Variants in DLGAP2 observed in about 807,000 individuals in gnomAD.
The protein encoded by DLGAP2 is DLG associated protein 2.
DLGAP2 carries 26 observed loss-of-function variants against 100.3 expected under a neutral mutation model. That is an observed-to-expected ratio of 0.26 (90% confidence interval 0.19 to 0.36). DLGAP2 has a LOEUF of 0.36. DLGAP2 is among the 10% of genes least tolerant of loss of function. The pLI is 1.00. For synonymous variants in DLGAP2, 886 were observed against 630.1 expected (o/e 1.41, Z -6.08); for missense variants, 1,858 against 1,453.2 (o/e 1.28, Z -4.53).
At chr8:1,329,410 G>C (rs1243430148) in intron 3 of DLGAP2, among the ~76,000 whole-genome samples, 1 of 152,144 alleles carries the variant, frequency 6.6e-6, no homozygotes, top group Non-Finnish European at 1.5e-5. Context: ...GATTCAGCTA[G>C]ATCCGTTTTT....
In DLGAP2 at chr8:840,387, C is replaced by G. The variant is rs75978688; in HGVS notation, c.19-67525C>G. On this transcript the variant is annotated intron_variant, in intron 1 of 14. Coordinates refer to ENST00000637795, the MANE Select transcript of DLGAP2 (RefSeq NM_001346810.2). ...GCACGCCTGCACGTTTCCCTACACT[C>G]TGGATTCTGCGAGCGCGTCCACATG... Among the ~76,000 whole-genome samples, 349 of 131,462 alleles carry G rather than the reference C, an allele frequency of 2.7e-3. 3 individuals carry two copies. The highest frequency in any genetic ancestry group is 4.3e-3 in the Non-Finnish European group (266 of 61,938). 86.2% of individuals were successfully genotyped at this position (131,462 alleles called of 152,430 possible). A position where few individuals can be genotyped will look rare whatever the true frequency, so the allele number is the denominator to read the frequency against.
At chr8:1,622,216 T>C (rs1167180852) in intron 6 of DLGAP2, 4 of 152,228 alleles carry the variant, frequency 2.6e-5, no homozygotes, top group African/African-American at 4.8e-5. Flanking sequence ...GAAACACTTC[T>C]TATATTTGGG....
intron 5 of DLGAP2, among the ~76,000 whole-genome samples, chr8:1,560,641 C>T (rs1040997425): frequency 4.9e-4 from 75 of 152,332 alleles, no homozygotes; most frequent in South Asian, 4.1e-4. Flanking sequence ...CTCCACTGCC[C>T]GCCACCTGGC....
rs1432861092 is a variant in DLGAP2, at chr8:1,187,810, A to G, written c.74-71041A>G. ...TGACGTTTGCCTCATGGAATCTCAC[A>G]CGCCCGGGACTTCCGTGATGTTTCC... is the stretch of plus-strand genomic sequence containing the variant. On this transcript the variant is annotated intron_variant, in intron 2 of 14. Coordinates refer to ENST00000637795, the MANE Select transcript of DLGAP2 (RefSeq NM_001346810.2). 4.0e-5 allele frequency among the ~76,000 whole-genome samples: 5 copies of G among 126,132 alleles called. No individual in the cohort carries two copies. In the South Asian group the frequency reaches 1.3e-3, roughly 32 times the overall value. The allele number at this position is 126,132 out of a possible 152,430, so 82.7% of individuals were successfully genotyped here. A position where few individuals can be genotyped will look rare whatever the true frequency, so the allele number is the denominator to read the frequency against.
At chr8:1,649,679 G>A (rs1798120219) in intron 8 of DLGAP2, among the ~76,000 whole-genome samples, 1 of 151,998 alleles carries the variant, frequency 6.6e-6, no homozygotes, top group South Asian at 2.1e-4. Flanking sequence ...TATGAAGGTA[G>A]GAAAAATACT....
intron 1 of DLGAP2, among the ~76,000 whole-genome samples, chr8:871,839 GCCCAC>G (rs1797604884): frequency 6.6e-6 from 1 of 152,116 alleles, no homozygotes; most frequent in Non-Finnish European, 1.5e-5. Context: ...AGAAAGGTGG[GCCCAC>G]CTACTTGTTG....
intron 3 of DLGAP2, among the ~76,000 whole-genome samples, chr8:1,326,606 G>T (rs905714796): frequency 5.3e-5 from 8 of 151,862 alleles, no homozygotes; most frequent in Admixed American, 3.9e-4. Context: ...CGCGTGCTCG[G>T]TCTCAGTCTT....
intron 2 of DLGAP2, among the ~76,000 whole-genome samples, chr8:1,142,212 A>G (rs1389555559): frequency 6.6e-6 from 1 of 152,060 alleles, no homozygotes; most frequent in Non-Finnish European, 1.5e-5. Context: ...TTTTGTGTGT[A>G]TTAATTGTAT....
At chr8:1,271,388 G>T (rs1433408712) in intron 3 of DLGAP2, among the ~76,000 whole-genome samples, 1 of 152,152 alleles carries the variant, frequency 6.6e-6, no homozygotes, top group Non-Finnish European at 1.5e-5. Context: ...GGGACATAGT[G>T]ACTTCTGTTT....
chr8:1,063,779 CG>C lies in DLGAP2; in HGVS notation c.73+155814del, dbSNP rs1563171949. ...GGTTTGTGCATATTTAGGTGGGTAT[CG>C]ACTATTTCATTCATAATTTTGTTCC... On this transcript the variant is annotated intron_variant, in intron 2 of 14. Transcript: ENST00000637795. Among the ~76,000 whole-genome samples, 3 of 152,052 alleles carry C rather than the reference CG, an allele frequency of 2.0e-5. No homozygotes were observed. In the East Asian group the frequency reaches 5.8e-4, roughly 29 times the overall value.
At chr8:1,096,314 G>T (rs961775168) in intron 2 of DLGAP2, among the ~76,000 whole-genome samples, 7 of 152,238 alleles carry the variant, frequency 4.6e-5, no homozygotes, top group Non-Finnish European at 8.8e-5. Flanking sequence ...TTGGATGCAG[G>T]AGGTTTGTGT....
intron 1 of DLGAP2, among the ~76,000 whole-genome samples, chr8:787,793 A>G (rs1035307845): frequency 3.3e-5 from 5 of 152,096 alleles, no homozygotes. Context: ...GTGCCTCTAC[A>G]CTGGTGGTGC....
intron 2 of DLGAP2, among the ~76,000 whole-genome samples, chr8:1,124,210 CCATTCTGAAGA>C (rs1443480717): frequency 2.6e-5 from 4 of 152,200 alleles, no homozygotes; most frequent in African/African-American, 9.7e-5. Context: ...TCCTTGGTTT[CCATTCTGAAGA>C]CAGAAACTGA....
chr8:937,992 C>A (rs976233490), intron 2 of DLGAP2, among the ~76,000 whole-genome samples: 1 of 152,172 alleles, frequency 6.6e-6, no homozygotes, highest in Non-Finnish European at 1.5e-5. Flanking sequence ...TTCTTACTCT[C>A]ATATCAGGAC....
intron 8 of DLGAP2, among the ~76,000 whole-genome samples, chr8:1,641,560 C>G (rs191389503): frequency 2.6e-5 from 4 of 152,252 alleles, no homozygotes; most frequent in South Asian, 4.1e-4. Flanking sequence ...GTCCAGGGCT[C>G]TTGCAGTTGA....
chr8:1,163,659 G>C (rs1004641642), intron 2 of DLGAP2, among the ~76,000 whole-genome samples: 1 of 152,182 alleles, frequency 6.6e-6, no homozygotes, highest in African/African-American at 2.4e-5. Context: ...GCCTGGGGAG[G>C]GCCGGGGATC....
intron 8 of DLGAP2, among the ~76,000 whole-genome samples, chr8:1,640,303 G>C (rs34379966): frequency 1.5e-5 from 2 of 136,950 alleles, no homozygotes; most frequent in African/African-American, 5.7e-5. Flanking sequence ...CTGCCCCGTG[G>C]GTCCTCAGTG....
chr8:800,275 G>C (rs777477771), intron 1 of DLGAP2, among the ~76,000 whole-genome samples: 11 of 152,224 alleles, frequency 7.2e-5, no homozygotes, highest in Non-Finnish European at 1.5e-4. Flanking sequence ...AAGATGTACA[G>C]ACATTGTGTT....
chr8:1,589,166 G>C (rs1309536348), intron 6 of DLGAP2, among the ~76,000 whole-genome samples: 1 of 152,080 alleles, frequency 6.6e-6, no homozygotes, highest in East Asian at 1.9e-4. Context: ...CAAATTTTCT[G>C]CAAAAAGCAT....
Sources: allele counts gnomAD v4.1 joint callset (sites outside exome capture counted in the v4.1 genomes callset), GRCh38; gene constraint gnomAD v4.1.1; transcripts MANE v1.5; gene names NCBI Gene and HGNC (gene_info 2026-07-23, HGNC 2026-07-21).